Variants in KCNJ16 observed in about 807,000 individuals in gnomAD.
KCNJ16 encodes the protein potassium inwardly rectifying channel subfamily J member 16.
In KCNJ16, 15 loss-of-function variants were observed where a neutral mutation model predicts 18.5. The ratio of observed to expected loss-of-function variants is 0.81; its 90% CI spans 0.54 to 1.25. The LOEUF is 1.25. KCNJ16 is among the 50% of genes most tolerant of loss of function. The pLI, the probability that KCNJ16 is intolerant of heterozygous loss-of-function variation, is 0.00. For synonymous variants in KCNJ16, 174 were observed against 186.5 expected, an observed-to-expected ratio of 0.93 and a Z score of 0.55; for missense variants, 523 against 525.7, an observed-to-expected ratio of 0.99 and a Z score of 0.05.
intron 2 of KCNJ16, among the ~76,000 whole-genome samples, chr17:70,129,545 A>T (rs916467876): frequency 6.6e-6 from 1 of 152,206 alleles, no homozygotes; most frequent in African/African-American, 2.4e-5. Flanking sequence ...ACTGTCTTTT[A>T]AAAAATGCGT....
In KCNJ16 at chr17:70,130,952, A is replaced by T. The variant is rs1459347259; in HGVS notation, c.-117A>T. On this transcript the variant is annotated 5_prime_UTR_variant, in exon 3 of 4. Coordinates refer to ENST00000392671, the MANE Select transcript of KCNJ16 (RefSeq NM_170741.4). ...CTTGAGCTGGGAAATCCTTTGGCCT[A>T]TTATACCATGGATGCTAAAAATGGT... 1.3e-6 allele frequency: 2 copies of T among 1,535,356 alleles called. No homozygotes were observed. Among genetic ancestry groups the T allele is most frequent in the Non-Finnish European group, 1.7e-6 (2 of 1,146,252 alleles).
chr17:70,108,930 C>G lies in KCNJ16; in HGVS notation c.-191+8164C>G, dbSNP rs145146546. On this transcript the variant is annotated intron_variant, in intron 2 of 3. Coordinates refer to ENST00000392671, the MANE Select transcript of KCNJ16 (RefSeq NM_170741.4). ...AGAGCTGAGGGCATTTGATTCCACA[C>G]GCACGTCCTTCTGCTCTGGGCCGTG... is the stretch of plus-strand genomic sequence containing the variant. 1.6e-4 allele frequency among the ~76,000 whole-genome samples: 24 copies of G among 152,162 alleles called. No individual in the cohort carries two copies. In the East Asian group the frequency reaches 4.3e-3, roughly 27 times the overall value.
chr17:70,129,114 G>C lies in KCNJ16; in HGVS notation c.-190-1765G>C, dbSNP rs538513967. 3.3e-5 allele frequency among the ~76,000 whole-genome samples: 5 copies of C among 152,272 alleles called. No homozygotes were observed. In the South Asian group the frequency reaches 1.0e-3, roughly 32 times the overall value. On this transcript the variant is annotated intron_variant, in intron 2 of 3. Coordinates refer to ENST00000392671, the MANE Select transcript of KCNJ16 (RefSeq NM_170741.4). ...GGAGGAGTTATTCACCCTCCACCCC[G>C]CAGCTTCCAGGCCCAGTGGAAAGTC...
chr17:70,106,354 TA>T (rs1348594240), intron 2 of KCNJ16, among the ~76,000 whole-genome samples: 1 of 152,200 alleles, frequency 6.6e-6, no homozygotes, highest in African/African-American at 2.4e-5. Context: ...AAGCCTTTAC[TA>T]GTATCTATAT....
At chr17:70,085,674 T>G (rs1344419462) in intron 1 of KCNJ16, among the ~76,000 whole-genome samples, 1 of 152,240 alleles carries the variant, frequency 6.6e-6, no homozygotes, top group Non-Finnish European at 1.5e-5. Flanking sequence ...ACCTCAATTC[T>G]GCTCTATGCC....
Position 70,121,678 on chromosome 17 carries a change from C to T in KCNJ16, c.-190-9201C>T, listed in dbSNP as rs551350341. ...CGTGTAGTGGGTCACACCTGTAATC[C>T]GAGCACTTTGGGAGGCTGAGGCCAG... On this transcript the variant is annotated intron_variant, in intron 2 of 3. Transcript: ENST00000392671. Among the ~76,000 whole-genome samples the T allele has an allele frequency of 1.4e-4, 22 of 152,156 alleles. No individual in the cohort carries two copies. The South Asian group carries it at 3.9e-3, about 27-fold the overall frequency.
intron 2 of KCNJ16, among the ~76,000 whole-genome samples, chr17:70,114,366 A>C (rs2073315601): frequency 6.6e-6 from 1 of 152,184 alleles, no homozygotes; most frequent in South Asian, 2.1e-4. Context: ...CAAATGGGAA[A>C]ATAGCAACAG....
Position 70,132,481 on chromosome 17 carries a change from A to G in KCNJ16, c.394A>G (p.Ile132Val), listed in dbSNP as rs1459958634. The G allele has an allele frequency of 3.7e-6, 6 of 1,614,184 alleles. No homozygotes were observed. The change falls in exon 4 of 4, where the codon ATA becomes GTA. Residue 132 changes from isoleucine (I) to valine (V), a missense_variant. Physicochemically the swap from Ile to Val is conservative, Grantham distance 29. Transcript: ENST00000392671. ...GTTCTCCCTAGAGACCCAAACCACC[A>G]TAGGATATGGTTATCGCTGTGTTAC... Reference protein sequence around the residue: ...FLFSLETQTTIGYGYRCVTEE... With the variant: ...FLFSLETQTTVGYGYRCVTEE...
intron 1 of KCNJ16, chr17:70,096,948 AG>A (rs1360675220): frequency 1.0e-5 from 4 of 398,268 alleles, no homozygotes; most frequent in Non-Finnish European, 1.8e-5. Context: ...AGCCAACTGA[AG>A]AGGTAACATG....
chr17:70,095,565 G>A (rs774449211), intron 1 of KCNJ16, among the ~76,000 whole-genome samples: 23 of 152,134 alleles, frequency 1.5e-4, no homozygotes, highest in Admixed American at 1.3e-4. Context: ...CCACTCCTCT[G>A]CCTGCCTGTG....
intron 1 of KCNJ16, among the ~76,000 whole-genome samples, chr17:70,090,809 G>T (rs930160556): frequency 6.6e-6 from 1 of 151,798 alleles, no homozygotes; most frequent in Non-Finnish European, 1.5e-5. Flanking sequence ...AACCCACTTA[G>T]ATCACCTGAA....
At chr17:70,121,617 AGT>A (rs2073641626) in intron 2 of KCNJ16, among the ~76,000 whole-genome samples, 6 of 152,118 alleles carry the variant, frequency 3.9e-5, no homozygotes, top group Non-Finnish European at 8.8e-5. Flanking sequence ...TTAAGCAAAG[AGT>A]GACATGTTTT....
intron 2 of KCNJ16, among the ~76,000 whole-genome samples, chr17:70,116,750 G>A (rs888683978): frequency 1.3e-5 from 2 of 152,078 alleles, no homozygotes; most frequent in Non-Finnish European, 2.9e-5. Flanking sequence ...AAACCACAAT[G>A]AGATACCATC....
intron 1 of KCNJ16, among the ~76,000 whole-genome samples, chr17:70,090,803 C>T (rs1245963045): frequency 1.3e-5 from 2 of 152,180 alleles, no homozygotes; most frequent in Non-Finnish European, 2.9e-5. Flanking sequence ...ACCGCTAACC[C>T]ACTTAGATCA....
In KCNJ16 at chr17:70,095,599, C is replaced by T. The variant is rs573080711; in HGVS notation, c.-299-5059C>T. Among the ~76,000 whole-genome samples, 52 of 152,284 alleles carry T rather than the reference C, an allele frequency of 3.4e-4. No individual in the cohort carries two copies. In the South Asian group the frequency reaches 9.5e-3, roughly 28 times the overall value. ...TGAGTCTCTGGCAAACAAAAGTGAT[C>T]GTGCCTGTCTTCCTTGCAAGCTCTG... On this transcript the variant is annotated intron_variant, in intron 1 of 3. Coordinates refer to ENST00000392671, the MANE Select transcript of KCNJ16 (RefSeq NM_170741.4).
intron 1 of KCNJ16, among the ~76,000 whole-genome samples, chr17:70,091,800 C>G (rs766310806): frequency 1.3e-5 from 2 of 152,188 alleles, no homozygotes; most frequent in Non-Finnish European, 2.9e-5. Context: ...TGTACTTTAT[C>G]AAGAGTCACC....
At chr17:70,110,168 G>A (rs1482507243) in intron 2 of KCNJ16, among the ~76,000 whole-genome samples, 1 of 152,086 alleles carries the variant, frequency 6.6e-6, no homozygotes, top group East Asian at 1.9e-4. Context: ...CACCTGTTAT[G>A]GTGTGAATGT....
chr17:70,130,854 T>G (rs756081772), intron 2 of KCNJ16, 25 bp from the exon 3 acceptor site: 16 of 1,026,462 alleles, frequency 1.6e-5, no homozygotes, highest in Non-Finnish European at 2.3e-5. Context: ...GCTACAATAC[T>G]TTTATTTTTG....
intron 3 of KCNJ16, chr17:70,131,624 G>A (rs1312381206): frequency 2.9e-6 from 1 of 349,278 alleles, no homozygotes; most frequent in African/African-American, 2.2e-5. Flanking sequence ...TATCTGAATT[G>A]AATTTTGCCT....
Sources: allele counts gnomAD v4.1 joint callset (sites outside exome capture counted in the v4.1 genomes callset), GRCh38; gene constraint gnomAD v4.1.1; transcripts MANE v1.5; gene names NCBI Gene and HGNC (gene_info 2026-07-23, HGNC 2026-07-21).